CDH4: variants seen among roughly 807,000 people sequenced by gnomAD.
CDH4 encodes the protein cadherin 4.
Under a neutral mutation model 86.0 loss-of-function variants are expected in CDH4, and 33 were observed. That is an observed-to-expected ratio of 0.38 (90% CI 0.29 to 0.51). The LOEUF (loss-of-function observed/expected upper bound fraction) is 0.51, where lower values mean the gene tolerates loss of function less well. CDH4 is among the 20% of genes least tolerant of loss of function. The pLI is 0.86. For synonymous variants in CDH4, 555 were observed against 549.4 expected, an observed-to-expected ratio of 1.01 and a Z score of -0.14; for missense variants, 1,114 against 1,307.4, an observed-to-expected ratio of 0.85 and a Z score of 2.28.
chr20:61,746,739 G>A (rs2088419231), intron 3 of CDH4, among the ~76,000 whole-genome samples: 1 of 152,242 alleles, frequency 6.6e-6, no homozygotes, highest in Non-Finnish European at 1.5e-5. Context: ...ATTTCATGAG[G>A]TTATGGAGGT....
chr20:61,640,282 C>T (rs2086991438), intron 2 of CDH4, among the ~76,000 whole-genome samples: 2 of 152,222 alleles, frequency 1.3e-5, no homozygotes, highest in Admixed American at 6.5e-5. Flanking sequence ...ACAGCAGCAA[C>T]GTCACGTGCC....
intron 2 of CDH4, among the ~76,000 whole-genome samples, chr20:61,664,659 G>C (rs910574165): frequency 1.3e-5 from 2 of 152,242 alleles, no homozygotes; most frequent in African/African-American, 4.8e-5. Flanking sequence ...TTCAGAGATA[G>C]AGCCTGGGCA....
At chr20:61,418,345 G>A (rs906226590) in intron 2 of CDH4, among the ~76,000 whole-genome samples, 6 of 151,734 alleles carry the variant, frequency 4.0e-5, no homozygotes, top group Admixed American at 1.3e-4. Flanking sequence ...TGAGTAGCTG[G>A]GACTACAGGC....
At chr20:61,935,269 A>T (rs1299130575) in intron 15 of CDH4, among the ~76,000 whole-genome samples, 1 of 152,262 alleles carries the variant, frequency 6.6e-6, no homozygotes, top group Admixed American at 6.5e-5. Context: ...TAAACAGAAG[A>T]TAACCCAGGC....
At chr20:61,892,232 G>A (rs1160735087) in intron 7 of CDH4, among the ~76,000 whole-genome samples, 1 of 152,200 alleles carries the variant, frequency 6.6e-6, no homozygotes, top group Non-Finnish European at 1.5e-5. Context: ...TCCACAGACT[G>A]TCCAGACACC....
intron 9 of CDH4, among the ~76,000 whole-genome samples, chr20:61,917,202 A>C (rs577548763): frequency 1.3e-5 from 2 of 151,988 alleles, no homozygotes; most frequent in Non-Finnish European, 2.9e-5. Context: ...GCGCCTTGCC[A>C]CCTCCCAGGC....
intron 4 of CDH4, among the ~76,000 whole-genome samples, chr20:61,819,911 G>A (rs552146796): frequency 6.6e-5 from 10 of 152,348 alleles, no homozygotes; most frequent in African/African-American, 1.7e-4. Flanking sequence ...GACACAGGGT[G>A]CGGGGCTGCT....
intron 2 of CDH4, among the ~76,000 whole-genome samples, chr20:61,591,460 T>G (rs1441747644): frequency 6.6e-6 from 1 of 152,176 alleles, no homozygotes; most frequent in Non-Finnish European, 1.5e-5. Flanking sequence ...GGGGTCTGCT[T>G]CTGTTTCCAC....
chr20:61,801,179 A>G (rs1979812159), intron 4 of CDH4, among the ~76,000 whole-genome samples: 1 of 152,156 alleles, frequency 6.6e-6, no homozygotes, highest in Non-Finnish European at 1.5e-5. Flanking sequence ...GACAAAAGGC[A>G]TGGACAGCAG....
intron 2 of CDH4, among the ~76,000 whole-genome samples, chr20:61,660,198 A>G (rs1312250284): frequency 6.6e-6 from 1 of 151,596 alleles, no homozygotes; most frequent in Non-Finnish European, 1.5e-5. Flanking sequence ...AGCAGCCCCC[A>G]TGGGAGCCAG....
chr20:61,699,817 C>G (rs1480938608), intron 2 of CDH4, among the ~76,000 whole-genome samples: 1 of 152,036 alleles, frequency 6.6e-6, no homozygotes, highest in Admixed American at 6.5e-5. Flanking sequence ...TGACCCGGGG[C>G]ACACACATGT....
At chr20:61,575,541 A>G (rs2086376822) in intron 2 of CDH4, among the ~76,000 whole-genome samples, 1 of 152,244 alleles carries the variant, frequency 6.6e-6, no homozygotes, top group Non-Finnish European at 1.5e-5. Context: ...GAATGAAGAA[A>G]AGGCAATGGA....
chr20:61,780,577 G>A (rs989520482), intron 4 of CDH4, among the ~76,000 whole-genome samples: 7 of 152,326 alleles, frequency 4.6e-5, no homozygotes, highest in East Asian at 1.9e-4. Flanking sequence ...AGATTGTTAC[G>A]TTAGGGATAC....
At position 61,659,951 on chromosome 20, in the gene CDH4, T is replaced by A. The variant is rs993911744; in HGVS notation, c.170-83612T>A. ...CTCCTGGCCCCTCCCCAAGCCTGTC[T>A]CTGTTCCTGAGTTGTCTATTCCATG... On this transcript the variant is annotated intron_variant, in intron 2 of 15. Transcript: ENST00000614565. Among the ~76,000 whole-genome samples, 4 of 152,202 alleles carry A rather than the reference T, an allele frequency of 2.6e-5. No individual in the cohort carries two copies. The South Asian group carries it at 8.3e-4, about 32-fold the overall frequency.
intron 2 of CDH4, among the ~76,000 whole-genome samples, chr20:61,279,707 A>G (rs1248496040): frequency 2.0e-5 from 3 of 151,988 alleles, no homozygotes; most frequent in African/African-American, 7.2e-5. Context: ...CATCCTTCCA[A>G]TTTCCGAGAA....
At chr20:61,859,282 A>C (rs1335635779) in intron 6 of CDH4, among the ~76,000 whole-genome samples, 1 of 152,160 alleles carries the variant, frequency 6.6e-6, no homozygotes, top group Non-Finnish European at 1.5e-5. Flanking sequence ...GGAATTCTTT[A>C]CGTATTCTAG....
At chr20:61,504,862 C>A (rs373276848) in intron 2 of CDH4, among the ~76,000 whole-genome samples, 1 of 152,214 alleles carries the variant, frequency 6.6e-6, no homozygotes, top group Non-Finnish European at 1.5e-5. Context: ...CCCGTACACG[C>A]GTCCTCATCA....
At position 61,924,194 on chromosome 20, in the gene CDH4, G is replaced by A. The variant is rs753434375; in HGVS notation, c.1629-140G>A. On this transcript the variant is annotated intron_variant, in intron 10 of 15. Transcript: ENST00000614565. ...ACGTGGAGGGGAAGCCCTAGAGGAG[G>A]ACAAGGCCTGGGGGGCTCCAAGGAG... 206 of 839,118 alleles carry A rather than the reference G, an allele frequency of 2.5e-4. 1 individual carries two copies. Among genetic ancestry groups the A allele is most frequent in the South Asian group, 1.1e-3 (60 of 56,238 alleles). The allele number at this position is 839,118 out of a possible 1,614,324, so 52.0% of individuals were successfully genotyped here.
rs572274913 is a variant in CDH4 at position 61,817,832 on chromosome 20, C to T, written c.577-26836C>T. Among the ~76,000 whole-genome samples the T allele has an allele frequency of 4.6e-5, 7 of 152,296 alleles. No homozygotes were observed. The East Asian group carries it at 1.4e-3, about 29-fold the overall frequency. On this transcript the variant is annotated intron_variant, in intron 4 of 15. Transcript: ENST00000614565. ...TTAGAGAGTGGAGGCCAACGCACTG[C>T]GAATGCCTGGGTTGTCTCCCAGGAG...
Sources: gnomAD v4.1 joint callset for allele counts (sites outside exome capture counted in the v4.1 genomes callset) on GRCh38, gnomAD v4.1.1 for gene constraint, MANE v1.5 for transcripts, NCBI Gene and HGNC (gene_info 2026-07-23, HGNC 2026-07-21) for gene names.